The following STRBP variants were observed in gnomAD, a reference collection of about 807,000 sequenced individuals.
STRBP encodes spermatid perinuclear RNA binding protein.
A neutral mutation model predicts 80.1 loss-of-function variants in STRBP; 13 were observed. The ratio of observed to expected loss-of-function variants is 0.16; its 90% CI spans 0.11 to 0.26. The LOEUF (loss-of-function observed/expected upper bound fraction) is 0.26. Among genes scored for constraint, STRBP ranks in the 10% least tolerant of loss-of-function variants. STRBP has a pLI of 1.00. For synonymous variants in STRBP, 284 were observed against 291.2 expected, an observed-to-expected ratio of 0.98 and a Z score of 0.25; for missense variants, 485 against 815.2, an observed-to-expected ratio of 0.59 and a Z score of 4.93.
chr9:123,232,028 C>G (rs763170613), intron 2 of STRBP, among the ~76,000 whole-genome samples: 1 of 152,126 alleles, frequency 6.6e-6, no homozygotes, highest in Non-Finnish European at 1.5e-5. Flanking sequence ...CCCAACTTAG[C>G]CAGCTGGATG....
At chr9:123,145,865 G>A (rs1015890965) in intron 13 of STRBP, among the ~76,000 whole-genome samples, 29 of 151,994 alleles carry the variant, frequency 1.9e-4, no homozygotes, top group Non-Finnish European at 3.7e-4. Flanking sequence ...AATATATAGT[G>A]TTTGACATTT....
intron 2 of STRBP, among the ~76,000 whole-genome samples, chr9:123,184,822 C>T (rs1488591896): frequency 6.6e-6 from 1 of 151,992 alleles, no homozygotes; most frequent in East Asian, 1.9e-4. Context: ...GCTTTTTTGG[C>T]TCTACTTCCT....
chr9:123,186,430 C>A (rs1338156531), intron 2 of STRBP, among the ~76,000 whole-genome samples: 1 of 152,094 alleles, frequency 6.6e-6, no homozygotes, highest in Non-Finnish European at 1.5e-5. Flanking sequence ...AATCATGGAT[C>A]ACCAATATGA....
chr9:123,137,519 T>C (rs1201919870), intron 14 of STRBP, among the ~76,000 whole-genome samples: 1 of 152,194 alleles, frequency 6.6e-6, no homozygotes, highest in Non-Finnish European at 1.5e-5. Context: ...AGGTAATTCC[T>C]GCCTCAGCGT....
At chr9:123,266,242 C>T (rs2041263823) in intron 1 of STRBP, among the ~76,000 whole-genome samples, 3 of 152,156 alleles carry the variant, frequency 2.0e-5, no homozygotes, top group Admixed American at 1.3e-4. Flanking sequence ...GGATGATACC[C>T]ACTACACACC....
chr9:123,213,481 A>T (rs550748474), intron 2 of STRBP: 8 of 152,252 alleles, frequency 5.3e-5, no homozygotes, highest in Non-Finnish European at 1.0e-4. Flanking sequence ...ACTCAGCTAC[A>T]TCTTTTACAT....
Position 123,158,429 on chromosome 9 carries a change from C to G in STRBP, c.836G>C (p.Gly279Ala), listed in dbSNP as rs1243026475. Residue 279 changes from glycine to alanine, a missense_variant and splice_region_variant, in exon 10 of 19, where the codon GGG becomes GCG. Gly to Ala is a moderately conservative substitution (Grantham distance 60, BLOSUM62 0). Coordinates refer to ENST00000348403, the MANE Select transcript of STRBP (RefSeq NM_018387.5). ...ACAAGGATCATGAAGACCAGGACCC[C>G]CTTTGGCAAAGGAAAAACACAAGTA... is the stretch of plus-strand genomic sequence containing the variant. ...ECLASGILLP[G>A]GPGLHDPCER... The G allele has an allele frequency of 6.2e-7, 1 of 1,613,068 alleles. No individual in the cohort carries two copies. The highest frequency in any genetic ancestry group is 1.7e-5 in the Admixed American group (1 of 59,966).
At chr9:123,133,656 C>T (rs1407255509) in intron 16 of STRBP, among the ~76,000 whole-genome samples, 1 of 152,106 alleles carries the variant, frequency 6.6e-6, no homozygotes, top group African/African-American at 2.4e-5. Context: ...TCTCCTGCCT[C>T]AGCCTCCCAA....
rs1337570742 is a variant in STRBP, at chr9:123,268,563, G to A, written c.-429C>T. 4.2e-5 allele frequency: 7 copies of A among 168,304 alleles called. No homozygotes were observed. Among genetic ancestry groups the A allele is most frequent in the African/African-American group, 1.5e-4 (6 of 41,270 alleles). 10.4% of individuals were successfully genotyped at this position (168,304 alleles called of 1,614,324 possible). A position where few individuals can be genotyped will look rare whatever the true frequency, so the allele number is the denominator to read the frequency against. ...CTGCGGCGGCTGCTGCCCTGGTGGC[G>A]CTCGCGGCTCCGGTCTCCGCTTCGG... On this transcript the variant is annotated 5_prime_UTR_variant, in exon 1 of 19. Transcript: ENST00000348403.
At chr9:123,160,172 G>GT (rs2037463212) in intron 8 of STRBP, among the ~76,000 whole-genome samples, 195 bp downstream of exon 8, 4 of 152,106 alleles carry the variant, frequency 2.6e-5, no homozygotes, top group African/African-American at 9.7e-5. Context: ...AATACAATGA[G>GT]GTAGAAGAGG....
chr9:123,147,699 A>C (rs1035270311), intron 12 of STRBP, 79 bp downstream of exon 12: 9 of 978,322 alleles, frequency 9.2e-6, no homozygotes, highest in South Asian at 1.8e-5. Context: ...AAAAAAAAAA[A>C]CCCTTCACTT....
intron 5 of STRBP, 44 bp from the exon 6 acceptor site, chr9:123,170,090 G>A (rs1466617903): frequency 1.3e-6 from 2 of 1,551,298 alleles, no homozygotes; most frequent in African/African-American, 2.8e-5. Context: ...TAATTAGACT[G>A]AAACCTCAAA....
chr9:123,133,546 T>G (rs1006590753), intron 16 of STRBP, among the ~76,000 whole-genome samples: 143 of 126,182 alleles, frequency 1.1e-3, no homozygotes, highest in African/African-American at 3.7e-3. Context: ...CTTTTTTTGG[T>G]TTTTTTTTTT....
Position 123,160,352 on chromosome 9 carries a change from T to A in STRBP, c.723+15A>T. 1 of 1,539,406 alleles carries A rather than the reference T, an allele frequency of 6.5e-7. No individual in the cohort carries two copies. Among genetic ancestry groups the A allele is most frequent in the Non-Finnish European group, 8.8e-7 (1 of 1,132,554 alleles). On this transcript the variant is annotated intron_variant, in intron 8 of 18. Transcript: ENST00000348403. ...CAGCTTCCAAATTTGCTTTTAGCCA[T>A]ATTTAAGTACTTACCCATCCTTTCA...
chr9:123,111,420 A>C (rs113213803), intron 3 of STRBP: 3 of 308,026 alleles, frequency 9.7e-6, no homozygotes, highest in Admixed American at 5.3e-5. Flanking sequence ...AACAAGGAAA[A>C]GAAAAAGAGT....
chr9:123,238,384 A>G (rs2132598869), intron 1 of STRBP, among the ~76,000 whole-genome samples: 1 of 152,354 alleles, frequency 6.6e-6, no homozygotes, highest in South Asian at 2.1e-4. Context: ...TCTACAACCT[A>G]CTTGGTGGTG....
chr9:123,178,915 C>T, intron 4 of STRBP, 92 bp downstream of exon 4: 1 of 1,262,084 alleles, frequency 7.9e-7, no homozygotes, highest in Non-Finnish European at 1.1e-6. Flanking sequence ...AGACAAAATC[C>T]AAAAAACAGC....
At chr9:123,209,858 T>TAC (rs890820620) in intron 2 of STRBP, among the ~76,000 whole-genome samples, 8 of 151,968 alleles carry the variant, frequency 5.3e-5, no homozygotes, top group African/African-American at 1.2e-4. Flanking sequence ...ATGGTTGCCA[T>TAC]ACACACACAC....
chr9:123,121,163 A>C (rs1226868291), downstream of STRBP: 1 of 152,248 alleles, frequency 6.6e-6, no homozygotes, highest in Non-Finnish European at 1.5e-5. Context: ...TATAGATGCC[A>C]AAGCCACATT....
Sources: gnomAD v4.1 joint callset for allele counts (sites outside exome capture counted in the v4.1 genomes callset) on GRCh38, gnomAD v4.1.1 for gene constraint, MANE v1.5 for transcripts, NCBI Gene and HGNC (gene_info 2026-07-23, HGNC 2026-07-21) for gene names.